SLC25A33: variants seen among roughly 807,000 people sequenced by gnomAD.
The protein encoded by SLC25A33 is bone marrow stromal cell mitochondrial carrier protein.
Under a neutral mutation model 35.5 loss-of-function variants are expected in SLC25A33, and 15 were observed. That is an observed-to-expected ratio of 0.42 (90% CI 0.28 to 0.65). SLC25A33 has a LOEUF of 0.65. SLC25A33 is among the 30% of genes least tolerant of loss of function. The pLI is 0.20. For synonymous variants in SLC25A33, 136 were observed against 148.7 expected, an observed-to-expected ratio of 0.91 and a Z score of 0.62; for missense variants, 257 against 398.5, an observed-to-expected ratio of 0.64 and a Z score of 3.02.
rs6664362 is a variant in SLC25A33 at position 9,553,813 on chromosome 1, C to T, written c.236+8C>T. 5.2e-3 allele frequency: 8,347 copies of T among 1,610,902 alleles called. 293 individuals carry two copies. In the African/African-American group the frequency reaches 0.079, roughly 15 times the overall value. On this transcript the variant is annotated splice_region_variant and intron_variant, in intron 2 of 6. Coordinates refer to ENST00000302692, the MANE Select transcript of SLC25A33 (RefSeq NM_032315.3). ...ACTCTTTCAGGTTCTGAAGTAAGTTCAGTCTTGTCTGCTCCTGCCACCTGC... is the reference window on the plus strand; with the variant it reads ...ACTCTTTCAGGTTCTGAAGTAAGTTTAGTCTTGTCTGCTCCTGCCACCTGC...
chr1:9,564,583 C>T (rs1159767106), intron 2 of SLC25A33, among the ~76,000 whole-genome samples: 1 of 151,386 alleles, frequency 6.6e-6, no homozygotes, highest in African/African-American at 2.4e-5. Flanking sequence ...TAATATTCAG[C>T]CTTTAAAAAA....
At chr1:9,558,051 A>G (rs1415087100) in intron 2 of SLC25A33, among the ~76,000 whole-genome samples, 2 of 152,238 alleles carry the variant, frequency 1.3e-5, no homozygotes, top group African/African-American at 4.8e-5. Flanking sequence ...GCACAACCTT[A>G]GCAGATGAGT....
At chr1:9,573,286 C>T in intron 4 of SLC25A33, 60 bp from the exon 5 acceptor site, 1 of 1,203,120 alleles carries the variant, frequency 8.3e-7, no homozygotes, top group Non-Finnish European at 1.2e-6. Context: ...TGATAATAGA[C>T]ATCTTTAATA....
intron 2 of SLC25A33, among the ~76,000 whole-genome samples, chr1:9,564,064 A>T (rs1643464025): frequency 6.6e-6 from 1 of 152,194 alleles, no homozygotes; most frequent in African/African-American, 2.4e-5. Flanking sequence ...CCATAAGAAA[A>T]AGAGATTAAA....
intron 5 of SLC25A33, chr1:9,576,402 G>GTAGATCTCGGT: frequency 1.5e-4 from 55 of 365,256 alleles, no homozygotes; most frequent in South Asian, 4.2e-4. Context: ...ATAGCCAGGT[G>GTAGATCTCGGT]GGCTTTGCCG....
Position 9,570,325 on chromosome 1 carries a change from AAT to A in SLC25A33, c.385_386del (p.Ile129CysfsTer24), listed in dbSNP as rs1643571206. The A allele has an allele frequency of 6.2e-7, 1 of 1,614,100 alleles. No homozygotes were observed. The highest frequency in any genetic ancestry group is 8.5e-7 in the Non-Finnish European group (1 of 1,180,014). On this transcript the variant is annotated frameshift_variant, in exon 4 of 7. Transcript: ENST00000302692. LOFTEE classifies it high-confidence loss of function. Reference sequence around the variant, plus strand: ...TAATGGCATTTTCGTGCCTAACAGCAATATTGTGCATATTTTCTCAGCTGGCT... The same window carrying A: ...TAATGGCATTTTCGTGCCTAACAGCAATTGTGCATATTTTCTCAGCTGGCT... Reference protein sequence around the residue: ...QFNGIFVPNSNIVHIFSAGSA... With the variant: ...QFNGIFVPNSXIVHIFSAGSA...
At chr1:9,567,452 T>G (rs555928367) in intron 3 of SLC25A33, 91 bp downstream of exon 3, 2 of 1,190,162 alleles carry the variant, frequency 1.7e-6, no homozygotes, top group Admixed American at 2.1e-5. Flanking sequence ...GAATGACCAG[T>G]GTCTTTTTCT....
At position 9,584,644 on chromosome 1, in the gene SLC25A33, C is replaced by G. The variant is rs1174067864; in HGVS notation, c.*2143C>G. On this transcript the variant is annotated 3_prime_UTR_variant, in exon 7 of 7. Coordinates refer to ENST00000302692, the MANE Select transcript of SLC25A33 (RefSeq NM_032315.3). ...AAACTCTTGACCTCAGGTGATCTAC[C>G]CGCCTCGGCCTCCCAAAGTACTGGG... 1 of 152,230 alleles carries G rather than the reference C, an allele frequency of 6.6e-6. No individual in the cohort carries two copies. Among genetic ancestry groups the G allele is most frequent in the Non-Finnish European group, 1.5e-5 (1 of 68,078 alleles). The allele number at this position is 152,230 out of a possible 1,614,324, so 9.4% of individuals were successfully genotyped here. A position where few individuals can be genotyped will look rare whatever the true frequency, so the allele number is the denominator to read the frequency against.
Position 9,560,437 on chromosome 1 carries a change from G to C in SLC25A33, c.236+6632G>C, listed in dbSNP as rs376131102. ...AAATTAGCCAGGTGTGGCGGTGGGC[G>C]CCTGTAATCCCGGCTACTCGGGAGG... On this transcript the variant is annotated intron_variant, in intron 2 of 6. Coordinates refer to ENST00000302692, the MANE Select transcript of SLC25A33 (RefSeq NM_032315.3). Among the ~76,000 whole-genome samples the C allele has an allele frequency of 1.4e-4, 22 of 151,782 alleles. No individual in the cohort carries two copies. The East Asian group carries it at 4.1e-3, about 28-fold the overall frequency.
At chr1:9,570,387 G>A (rs1557534364) in intron 4 of SLC25A33, 29 bp downstream of exon 4, 1 of 1,562,596 alleles carries the variant, frequency 6.4e-7, no homozygotes, top group Admixed American at 1.7e-5. Context: ...TGAAGAGAGG[G>A]TCTCTCTCTC....
chr1:9,573,789 A>C (rs1291867537), intron 5 of SLC25A33, among the ~76,000 whole-genome samples: 1 of 152,096 alleles, frequency 6.6e-6, no homozygotes, highest in African/African-American at 2.4e-5. Context: ...CACAACACTG[A>C]GTGTCCTCAG....
intron 1 of SLC25A33, among the ~76,000 whole-genome samples, chr1:9,540,532 C>G (rs2100362238): frequency 6.6e-6 from 1 of 152,140 alleles, no homozygotes; most frequent in South Asian, 2.1e-4. Context: ...CCCTTGTCAC[C>G]TCCCGCCGAG....
chr1:9,563,710 CT>C (rs796875694), intron 2 of SLC25A33, among the ~76,000 whole-genome samples: 36 of 148,942 alleles, frequency 2.4e-4, no homozygotes, highest in African/African-American at 5.6e-4. Context: ...ATTCTATTAA[CT>C]TTTTTTTTTT....
At chr1:9,559,990 CCT>C in intron 2 of SLC25A33, among the ~76,000 whole-genome samples, 1 of 152,054 alleles carries the variant, frequency 6.6e-6, no homozygotes, top group Non-Finnish European at 1.5e-5. Context: ...AGTGGCTCAC[CCT>C]TGTAATCCCA....
In SLC25A33 at chr1:9,545,410, T is replaced by C. The variant is rs994457898; in HGVS notation, c.56+5663T>C. Among the ~76,000 whole-genome samples, 39 of 152,078 alleles carry C rather than the reference T, an allele frequency of 2.6e-4. 1 individual carries two copies. Among genetic ancestry groups the C allele is most frequent in the African/African-American group, 8.7e-4 (36 of 41,518 alleles). ...ACCTGTGATCCCAGCACTTAATTTT[T>C]ATTTTGAGACGGAGTCTCACTCTGT... On this transcript the variant is annotated intron_variant, in intron 1 of 6. Transcript: ENST00000302692.
At chr1:9,579,882 T>C in intron 5 of SLC25A33, 72 bp from the exon 6 acceptor site, 1 of 1,512,444 alleles carries the variant, frequency 6.6e-7, no homozygotes. Flanking sequence ...GTACCTGTTC[T>C]CCTACTGTGT....
At chr1:9,561,090 G>A (rs567346571) in intron 2 of SLC25A33, among the ~76,000 whole-genome samples, 5 of 151,510 alleles carry the variant, frequency 3.3e-5, no homozygotes, top group African/African-American at 7.3e-5. Flanking sequence ...GCTGGGACCC[G>A]TCACCACGCC....
At chr1:9,564,282 C>T (rs1033716792) in intron 2 of SLC25A33, among the ~76,000 whole-genome samples, 5 of 152,048 alleles carry the variant, frequency 3.3e-5, no homozygotes, top group Admixed American at 6.6e-5. Flanking sequence ...AGCACATTGG[C>T]GAGGTTATAG....
intron 5 of SLC25A33, 133 bp from the exon 6 acceptor site, chr1:9,579,821 A>C: frequency 9.4e-7 from 1 of 1,061,950 alleles, no homozygotes; most frequent in Non-Finnish European, 1.3e-6. Flanking sequence ...GACAAGGGCT[A>C]TGAGAGTTAG....
Sources: allele counts gnomAD v4.1 joint callset (sites outside exome capture counted in the v4.1 genomes callset), GRCh38; gene constraint gnomAD v4.1.1; transcripts MANE v1.5; gene names NCBI Gene and HGNC (gene_info 2026-07-23, HGNC 2026-07-21).